The following MCCC2 variants were observed in gnomAD, a reference collection of about 807,000 sequenced individuals.
The protein encoded by MCCC2 is methylcrotonoyl-CoA carboxylase beta chain, mitochondrial.
A neutral mutation model predicts 77.2 loss-of-function variants in MCCC2; 52 were observed. The observed-to-expected ratio is 0.67, with a 90% CI of 0.54 to 0.85. The LOEUF (loss-of-function observed/expected upper bound fraction) is 0.85. Ranked by LOEUF, MCCC2 falls within the 40% of genes least tolerant of loss-of-function variation. The pLI is 0.00. For missense variants in MCCC2, 682 were observed against 703.2 expected (o/e 0.97, Z 0.34); for synonymous variants, 253 against 248.4 (o/e 1.02, Z -0.18).
At position 71,633,125 on chromosome 5, in the gene MCCC2, ATATATATT is replaced by A. The variant is rs1301816413; in HGVS notation, c.803+942_803+949del. 3.3e-4 allele frequency among the ~76,000 whole-genome samples: 14 copies of A among 42,900 alleles called. 1 individual carries two copies. The highest frequency in any genetic ancestry group is 9.7e-4 in the African/African-American group (13 of 13,434). 28.1% of individuals were successfully genotyped at this position (42,900 alleles called of 152,430 possible). On this transcript the variant is annotated intron_variant, in intron 8 of 16. Transcript: ENST00000340941. ...TATATATATATATATATATATATAT[ATATATATT>A]TTTATTTTTTGTAGAAACAGGTGTC...
intron 6 of MCCC2, among the ~76,000 whole-genome samples, chr5:71,612,315 A>T (rs1467463429): frequency 6.6e-6 from 1 of 152,140 alleles, no homozygotes; most frequent in Non-Finnish European, 1.5e-5. Flanking sequence ...ATTAATCTAT[A>T]CTTGCAATTA....
chr5:71,626,403 C>T (rs1261954421), intron 6 of MCCC2, among the ~76,000 whole-genome samples: 1 of 152,216 alleles, frequency 6.6e-6, no homozygotes, highest in Non-Finnish European at 1.5e-5. Flanking sequence ...TTCTCTCTGA[C>T]AGGGAGATTG....
At position 71,593,984 on chromosome 5, in the gene MCCC2, G is replaced by T. The variant is rs988414677; in HGVS notation, c.196+992G>T. Among the ~76,000 whole-genome samples the T allele has an allele frequency of 3.3e-5, 5 of 152,074 alleles. No homozygotes were observed. In the South Asian group the frequency reaches 1.0e-3, roughly 32 times the overall value. On this transcript the variant is annotated intron_variant, in intron 2 of 16. Coordinates refer to ENST00000340941, the MANE Select transcript of MCCC2 (RefSeq NM_022132.5). ...TCTCCTCACTCTGTTGCTCGGGCTG[G>T]ACTCGAAGTCGGGAGCTCAAGTGAT...
chr5:71,618,502 TTCCTTCCTTC>T, intron 6 of MCCC2, among the ~76,000 whole-genome samples: 1 of 53,246 alleles, frequency 1.9e-5, no homozygotes, highest in Non-Finnish European at 4.1e-5. Context: ...CCTTCCTTCC[TTCCTTCCTTC>T]CTTCCTTCCT....
chr5:71,652,008 C>T (rs997900203), intron 15 of MCCC2, among the ~76,000 whole-genome samples: 9 of 152,166 alleles, frequency 5.9e-5, no homozygotes, highest in Non-Finnish European at 1.2e-4. Flanking sequence ...AGCATATTTA[C>T]GTAAAAGAAG....
At chr5:71,625,703 A>G (rs1048221969) in intron 6 of MCCC2, among the ~76,000 whole-genome samples, 1 of 152,228 alleles carries the variant, frequency 6.6e-6, no homozygotes, top group African/African-American at 2.4e-5. Flanking sequence ...ACTTTCAATA[A>G]CATACATGAA....
At chr5:71,644,045 G>GTGTC in intron 12 of MCCC2, 150 bp downstream of exon 12, 1 of 642,902 alleles carries the variant, frequency 1.6e-6, no homozygotes, top group Non-Finnish European at 2.7e-6. Flanking sequence ...GTGTGTGTGT[G>GTGTC]TGTGTGTGTG....
intron 14 of MCCC2, among the ~76,000 whole-genome samples, chr5:71,649,714 A>C: frequency 6.6e-6 from 1 of 152,252 alleles, no homozygotes; most frequent in East Asian, 1.9e-4. Flanking sequence ...TTGGTTTGAA[A>C]GTTCAACAAA....
In MCCC2 at chr5:71,599,755, A is replaced by G. The variant is rs764977305; in HGVS notation, c.378A>G (p.Val126=). The change falls in exon 4 of 17, where the codon GTA becomes GTG. Residue 126 remains valine, a synonymous_variant. Coordinates refer to ENST00000340941, the MANE Select transcript of MCCC2 (RefSeq NM_022132.5). ...GGGIITGIGR[V]SGVECMIIAN... ...GCATTATTACAGGCATTGGAAGAGT[A>G]TCAGGGTGAGTATTCTACTTGTGCT... The G allele has an allele frequency of 5.0e-6, 8 of 1,613,060 alleles. 1 individual carries two copies. Among genetic ancestry groups the G allele is most frequent in the African/African-American group, 1.3e-5 (1 of 74,930 alleles).
rs557527627 is a variant in MCCC2 at position 71,618,196 on chromosome 5, G to T, written c.625-8444G>T. ...TTAAATGTGTCCCCCAAAAGTTTAT[G>T]TGTTGGAAATGTGATTGCCATTGTG... On this transcript the variant is annotated intron_variant, in intron 6 of 16. Coordinates refer to ENST00000340941, the MANE Select transcript of MCCC2 (RefSeq NM_022132.5). Among the ~76,000 whole-genome samples, 25 of 152,274 alleles carry T rather than the reference G, an allele frequency of 1.6e-4. No individual in the cohort carries two copies. The South Asian group carries it at 2.5e-3, about 15-fold the overall frequency.
intron 10 of MCCC2, among the ~76,000 whole-genome samples, chr5:71,637,396 T>C (rs1239851290): frequency 1.3e-5 from 2 of 152,252 alleles, no homozygotes; most frequent in African/African-American, 4.8e-5. Context: ...ATAAAAGTTA[T>C]ATTTATACTA....
intron 6 of MCCC2, among the ~76,000 whole-genome samples, chr5:71,614,733 A>G (rs1158658125): frequency 6.6e-6 from 1 of 151,850 alleles, no homozygotes; most frequent in Non-Finnish European, 1.5e-5. Context: ...ATCTGCCCGC[A>G]TTGGTCTCCC....
intron 1 of MCCC2, 34 bp downstream of exon 1, chr5:71,587,588 T>C: frequency 6.5e-7 from 1 of 1,528,754 alleles, no homozygotes; most frequent in Non-Finnish European, 8.8e-7. Flanking sequence ...TGGCCGCCGG[T>C]GCCAGGCTAG....
At position 71,658,639 on chromosome 5, in the gene MCCC2, T is replaced by C. The variant is rs1747646888; in HGVS notation, c.*1779T>C. 2.0e-5 allele frequency: 3 copies of C among 152,192 alleles called. No individual in the cohort carries two copies. Among genetic ancestry groups the C allele is most frequent in the Admixed American group, 2.0e-4 (3 of 15,276 alleles). The allele number at this position is 152,192 out of a possible 1,614,324, so 9.4% of individuals were successfully genotyped here. On this transcript the variant is annotated 3_prime_UTR_variant, in exon 17 of 17. Coordinates refer to ENST00000340941, the MANE Select transcript of MCCC2 (RefSeq NM_022132.5). ...TCCTCTGGCCACATAGTTTTAAAAT[T>C]AGGTGATTGATTATATGACCGAATA...
At chr5:71,624,069 G>C (rs573080408) in intron 6 of MCCC2, among the ~76,000 whole-genome samples, 1 of 152,152 alleles carries the variant, frequency 6.6e-6, no homozygotes, top group Non-Finnish European at 1.5e-5. Context: ...ATAAGGGTAC[G>C]AGCATGGCCT....
rs1006141865 is a variant in MCCC2, at chr5:71,625,746, G to A, written c.625-894G>A. ...GTTGAGGAAGAATGCTTTTTGTGTTGGCCATTTAGATGGAAAAATGCTAAC... is the reference window on the plus strand; with the variant it reads ...GTTGAGGAAGAATGCTTTTTGTGTTAGCCATTTAGATGGAAAAATGCTAAC... On this transcript the variant is annotated intron_variant, in intron 6 of 16. Coordinates refer to ENST00000340941, the MANE Select transcript of MCCC2 (RefSeq NM_022132.5). Among the ~76,000 whole-genome samples, 6 of 152,056 alleles carry A rather than the reference G, an allele frequency of 3.9e-5. No individual in the cohort carries two copies. The South Asian group carries it at 6.2e-4, about 16-fold the overall frequency.
At chr5:71,631,984 A>G (rs569056882) in intron 7 of MCCC2, 137 bp from the exon 8 acceptor site, 5 of 807,774 alleles carry the variant, frequency 6.2e-6, no homozygotes, top group East Asian at 2.5e-5. Context: ...AGGTGCATGA[A>G]TGAGAAAGCA....
intron 6 of MCCC2, among the ~76,000 whole-genome samples, chr5:71,609,840 G>C: frequency 6.6e-6 from 1 of 152,096 alleles, no homozygotes; most frequent in Non-Finnish European, 1.5e-5. Context: ...TGAGATGTCA[G>C]TGTGCCCCTG....
In MCCC2 at chr5:71,604,950, A is replaced by G. The variant is rs1442593881; in HGVS notation, c.624+482A>G. Among the ~76,000 whole-genome samples the G allele has an allele frequency of 2.8e-5, 4 of 143,398 alleles. No homozygotes were observed. In the East Asian group the frequency reaches 8.0e-4, roughly 29 times the overall value. 94.1% of individuals were successfully genotyped at this position (143,398 alleles called of 152,430 possible). A position where few individuals can be genotyped will look rare whatever the true frequency, so the allele number is the denominator to read the frequency against. The stretch of plus-strand genomic sequence containing the variant: ...GGCTGCATAGTATTCCATGGTGTAT[A>G]TGTGCCACATTTTCTTAATCCAGTC... On this transcript the variant is annotated intron_variant, in intron 6 of 16. Coordinates refer to ENST00000340941, the MANE Select transcript of MCCC2 (RefSeq NM_022132.5).
Sources: allele counts gnomAD v4.1 joint callset (sites outside exome capture counted in the v4.1 genomes callset), GRCh38; gene constraint gnomAD v4.1.1; transcripts MANE v1.5; gene names NCBI Gene and HGNC (gene_info 2026-07-23, HGNC 2026-07-21).